The following BIRC6 variants were observed in gnomAD, a reference collection of about 807,000 sequenced individuals.
BIRC6 encodes baculoviral IAP repeat containing 6.
A neutral mutation model predicts 503.3 loss-of-function variants in BIRC6; 98 were observed. The ratio of observed to expected loss-of-function variants is 0.19; its 90% CI spans 0.17 to 0.23. The LOEUF (loss-of-function observed/expected upper bound fraction) is 0.23, where lower values mean the gene tolerates loss of function less well. BIRC6 is among the 10% of genes least tolerant of loss of function. The probability of loss-of-function intolerance (pLI) is 1.00; values close to 1 mark genes in which losing one functional copy is unlikely to be tolerated. For missense variants in BIRC6, 5,360 were observed against 5,806.0 expected, an observed-to-expected ratio of 0.92 and a Z score of 2.50; for synonymous variants, 2,240 against 2,078.7, an observed-to-expected ratio of 1.08 and a Z score of -2.11.
chr2:32,395,315 A>G (rs1380153724), intron 5 of BIRC6, among the ~76,000 whole-genome samples, 196 bp from the exon 6 acceptor site: 1 of 152,200 alleles, frequency 6.6e-6, no homozygotes, highest in Non-Finnish European at 1.5e-5. Flanking sequence ...TCATTTTCTG[A>G]ATTTTCAAAT....
At chr2:32,439,438 T>G in intron 15 of BIRC6, 70 bp from the exon 16 acceptor site, 1 of 1,420,498 alleles carries the variant, frequency 7.0e-7, no homozygotes, top group Non-Finnish European at 9.7e-7. Context: ...GATCTTGTTC[T>G]ATGAAGATGA....
At chr2:32,601,661 T>C (rs1235127237) in intron 70 of BIRC6, among the ~76,000 whole-genome samples, 2 of 152,204 alleles carry the variant, frequency 1.3e-5, no homozygotes, top group Non-Finnish European at 2.9e-5. Flanking sequence ...GTACAAAATC[T>C]GATGAGTATA....
intron 23 of BIRC6, 40 bp from the exon 24 acceptor site, chr2:32,463,154 G>T: frequency 6.6e-7 from 1 of 1,506,012 alleles, no homozygotes; most frequent in Non-Finnish European, 9.0e-7. Flanking sequence ...CTTCATCCTG[G>T]TGTTTTTTGT....
At chr2:32,545,904 T>C (rs1559023948) in intron 63 of BIRC6, 44 bp downstream of exon 63, 1 of 1,534,814 alleles carries the variant, frequency 6.5e-7, no homozygotes, top group Non-Finnish European at 9.0e-7. Context: ...AAAACTAGAT[T>C]TAATTAGGGA....
At chr2:32,550,821 G>C (rs908796752) in intron 65 of BIRC6, among the ~76,000 whole-genome samples, 3 of 152,078 alleles carry the variant, frequency 2.0e-5, no homozygotes, top group Admixed American at 2.0e-4. Context: ...TTCCTGGGAA[G>C]GTGTGTATGT....
intron 57 of BIRC6, chr2:32,523,087 T>C (rs2055907211): frequency 6.6e-6 from 1 of 152,194 alleles, no homozygotes; most frequent in African/African-American, 2.4e-5. Flanking sequence ...GTATTGTTAA[T>C]ATATATTTCT....
At chr2:32,451,675 A>G (rs1279919536) in intron 22 of BIRC6, among the ~76,000 whole-genome samples, 3 of 152,232 alleles carry the variant, frequency 2.0e-5, no homozygotes, top group Non-Finnish European at 4.4e-5. Context: ...TTCAGTTACA[A>G]GCTGAACTAC....
chr2:32,362,093 T>G (rs1250100580), intron 1 of BIRC6, among the ~76,000 whole-genome samples: 1 of 152,212 alleles, frequency 6.6e-6, no homozygotes, highest in Non-Finnish European at 1.5e-5. Context: ...ATGTTTACTT[T>G]TGTAAGAAAC....
At position 32,533,181 on chromosome 2, in the gene BIRC6, G is replaced by A. The variant is rs1471139760; in HGVS notation, c.12291+1630G>A. On this transcript the variant is annotated intron_variant, in intron 61 of 73. Coordinates refer to ENST00000421745, the MANE Select transcript of BIRC6 (RefSeq NM_016252.4). ...CTGACAAGGTGGTTTAGAAGGAAAT[G>A]AGGAACATGTTACCGGAACCTGAAG... Among the ~76,000 whole-genome samples, 8 of 152,278 alleles carry A rather than the reference G, an allele frequency of 5.3e-5. No individual in the cohort carries two copies. The East Asian group carries it at 1.5e-3, about 29-fold the overall frequency.
Position 32,524,881 on chromosome 2 carries a change from C to A in BIRC6, c.11624-7C>A. The A allele has an allele frequency of 7.0e-7, 1 of 1,427,654 alleles. No homozygotes were observed. The highest frequency in any genetic ancestry group is 1.5e-5 in the African/African-American group (1 of 68,110). The allele number at this position is 1,427,654 out of a possible 1,614,324, so 88.4% of individuals were successfully genotyped here. ...AGCAGTGTATTTTAGATAATATCTT[C>A]TTACAGATACTCCAAGTATCACAGC... On this transcript the variant is annotated splice_polypyrimidine_tract_variant and splice_region_variant and intron_variant, in intron 57 of 73. Coordinates refer to ENST00000421745, the MANE Select transcript of BIRC6 (RefSeq NM_016252.4).
At chr2:32,571,160 T>C (rs2059889409) in intron 65 of BIRC6, among the ~76,000 whole-genome samples, 1 of 152,042 alleles carries the variant, frequency 6.6e-6, no homozygotes, top group Non-Finnish European at 1.5e-5. Flanking sequence ...TGTTTTTTGT[T>C]TTGGATTTTT....
At chr2:32,543,598 T>A in intron 62 of BIRC6, 57 bp downstream of exon 62, 2 of 1,492,974 alleles carry the variant, frequency 1.3e-6, no homozygotes, top group Non-Finnish European at 1.8e-6. Flanking sequence ...TGTAAAGGTA[T>A]CCAGATCATT....
Position 32,555,253 on chromosome 2 carries a change from C to A in BIRC6, c.13144+5772C>A, listed in dbSNP as rs192476831. Among the ~76,000 whole-genome samples, 3 of 152,192 alleles carry A rather than the reference C, an allele frequency of 2.0e-5. No individual in the cohort carries two copies. The East Asian group carries it at 5.8e-4, about 29-fold the overall frequency. ...TGGGAGCTGTGGTGGTGGTTCATGC[C>A]TGTAATCCCTTTGGGAGGCCAAGAT... On this transcript the variant is annotated intron_variant, in intron 65 of 73. Coordinates refer to ENST00000421745, the MANE Select transcript of BIRC6 (RefSeq NM_016252.4).
At chr2:32,592,201 A>G (rs2061426091) in intron 66 of BIRC6, among the ~76,000 whole-genome samples, 1 of 152,218 alleles carries the variant, frequency 6.6e-6, no homozygotes, top group South Asian at 2.1e-4. Flanking sequence ...ACAGTATAAC[A>G]TCTGCCAAGT....
At chr2:32,521,503 A>T (rs936246454) in intron 57 of BIRC6, among the ~76,000 whole-genome samples, 4 of 150,306 alleles carry the variant, frequency 2.7e-5, no homozygotes. Flanking sequence ...ACGGAGTCTC[A>T]CTCTGTCCCC....
At chr2:32,476,121 C>A in intron 33 of BIRC6, 92 bp from the exon 34 acceptor site, 2 of 914,836 alleles carry the variant, frequency 2.2e-6, no homozygotes, top group South Asian at 3.9e-5. Flanking sequence ...ATGTGCATTC[C>A]ATTAGTTTGA....
At chr2:32,616,849 A>G (rs2063277748) in intron 73 of BIRC6, among the ~76,000 whole-genome samples, 1 of 152,200 alleles carries the variant, frequency 6.6e-6, no homozygotes, top group Admixed American at 6.5e-5. Flanking sequence ...TCACACCTGC[A>G]ATCCCAGCTC....
intron 21 of BIRC6, among the ~76,000 whole-genome samples, chr2:32,446,234 G>A (rs554487941): frequency 6.6e-6 from 1 of 152,288 alleles, no homozygotes; most frequent in South Asian, 2.1e-4. Flanking sequence ...ATGAAAAGTG[G>A]TATGCCCTGC....
In BIRC6 at chr2:32,357,825, A is replaced by T. The variant is rs1305861281; in HGVS notation, c.325+339A>T. Among the ~76,000 whole-genome samples, 1 of 151,752 alleles carries T rather than the reference A, an allele frequency of 6.6e-6. No homozygotes were observed. Among genetic ancestry groups the T allele is most frequent in the East Asian group, 1.9e-4 (1 of 5,136 alleles). ...AGCGAGGCCCGGGTAGGCCCTGGAG[A>T]GGCTGTCGGTCCTGCGTCCGGTTAG... On this transcript the variant is annotated intron_variant, in intron 1 of 73. Coordinates refer to ENST00000421745, the MANE Select transcript of BIRC6 (RefSeq NM_016252.4). The surrounding 1 kb of genome is among the most constrained non-coding windows in gnomAD (Gnocchi z 4.9).
Sources: gnomAD v4.1 joint callset for allele counts (sites outside exome capture counted in the v4.1 genomes callset) on GRCh38, gnomAD v4.1.1 for gene constraint, Gnocchi (gnomAD v3.1) non-coding constraint, MANE v1.5 for transcripts, NCBI Gene and HGNC (gene_info 2026-07-23, HGNC 2026-07-21) for gene names.